GLMN: variants seen among roughly 807,000 people sequenced by gnomAD.
GLMN encodes glomulin, FKBP associated protein.
In GLMN, 75 loss-of-function variants were observed where a neutral mutation model predicts 87.8. The ratio of observed to expected loss-of-function variants is 0.85; its 90% CI spans 0.71 to 1.04. GLMN has a LOEUF of 1.04. Ranked by LOEUF, GLMN falls within the 50% of genes least tolerant of loss-of-function variation. The pLI, the probability that GLMN is intolerant of heterozygous loss-of-function variation, is 0.00. For missense variants in GLMN, 588 were observed against 658.8 expected (o/e 0.89, Z 1.18); for synonymous variants, 206 against 221.6 (o/e 0.93, Z 0.63).
intron 3 of GLMN, among the ~76,000 whole-genome samples, chr1:92,296,215 A>G (rs1650031685): frequency 2.6e-5 from 4 of 152,232 alleles, no homozygotes; most frequent in Admixed American, 2.6e-4. Flanking sequence ...ACTTCTAATA[A>G]ATAAGTAGCA....
chr1:92,307,110 T>G, the GLMN span: 1 of 958,346 alleles, frequency 1.0e-6, no homozygotes, highest in African/African-American at 1.7e-5. Context: ...AACGATACAT[T>G]TATGTTTTAT....
intron 11 of GLMN, 106 bp from the exon 12 acceptor site, chr1:92,266,847 T>A: frequency 2.8e-6 from 2 of 721,992 alleles, no homozygotes; most frequent in Non-Finnish European, 4.8e-6. Flanking sequence ...GAAGTGAGGG[T>A]AGGAGATTTA....
chr1:92,272,255 G>A (rs1330390105), intron 7 of GLMN, among the ~76,000 whole-genome samples: 1 of 152,150 alleles, frequency 6.6e-6, no homozygotes, highest in African/African-American at 2.4e-5. Flanking sequence ...ATGAGACCCT[G>A]AGCAGAGGAC....
At chr1:92,280,024 T>C (rs1291015672) in intron 7 of GLMN, among the ~76,000 whole-genome samples, 1 of 152,238 alleles carries the variant, frequency 6.6e-6, no homozygotes, top group Non-Finnish European at 1.5e-5. Context: ...ATTCTACCTC[T>C]GGGGACGGCA....
intron 16 of GLMN, among the ~76,000 whole-genome samples, chr1:92,249,018 G>T (rs529996531): frequency 3.3e-5 from 5 of 151,996 alleles, no homozygotes; most frequent in Non-Finnish European, 5.9e-5. Context: ...TGAAACATTA[G>T]AATTAAAATA....
At chr1:92,363,306 G>T in the GLMN span, among the ~76,000 whole-genome samples, 2 of 152,134 alleles carry the variant, frequency 1.3e-5, no homozygotes, top group Non-Finnish European at 2.9e-5. Context: ...TGAAGCTGCG[G>T]GCAAGGTAGA....
chr1:92,331,154 T>A, the GLMN span, among the ~76,000 whole-genome samples: 1 of 152,240 alleles, frequency 6.6e-6, no homozygotes, highest in Non-Finnish European at 1.5e-5. Flanking sequence ...AATGTAAAAT[T>A]GTTATGTCTT....
intron 16 of GLMN, among the ~76,000 whole-genome samples, chr1:92,251,167 G>A (rs548355599): frequency 1.3e-5 from 2 of 152,266 alleles, no homozygotes; most frequent in Non-Finnish European, 2.9e-5. Flanking sequence ...GAAGAACAAA[G>A]TTGGCAGACT....
chr1:92,323,783 G>A, the GLMN span: 1 of 1,614,092 alleles, frequency 6.2e-7, no homozygotes. Context: ...GATGCTACAT[G>A]TGAACTTCCT....
chr1:92,266,625 A>T (rs758112372), intron 12 of GLMN, 75 bp downstream of exon 12: 28 of 1,261,870 alleles, frequency 2.2e-5, no homozygotes, highest in Admixed American at 3.8e-5. Flanking sequence ...TAAAATTTTT[A>T]AAAAGAAAAT....
intron 13 of GLMN, 83 bp downstream of exon 13, chr1:92,266,336 A>T: frequency 2.6e-6 from 2 of 780,172 alleles, no homozygotes; most frequent in Non-Finnish European, 4.7e-6. Context: ...ATACCGACAT[A>T]CTATGCCCTA....
chr1:92,312,904 C>T, the GLMN span, among the ~76,000 whole-genome samples: 2 of 152,052 alleles, frequency 1.3e-5, no homozygotes, highest in African/African-American at 4.8e-5. Flanking sequence ...TCACTACAAC[C>T]TCTGCCTCCT....
the GLMN span, among the ~76,000 whole-genome samples, chr1:92,358,850 G>T: frequency 1.3e-5 from 2 of 152,142 alleles, no homozygotes; most frequent in Non-Finnish European, 2.9e-5. Context: ...GCCTCCCAAA[G>T]TGCTGGGATT....
At chr1:92,367,866 C>A in the GLMN span, among the ~76,000 whole-genome samples, 1 of 152,134 alleles carries the variant, frequency 6.6e-6, no homozygotes, top group Non-Finnish European at 1.5e-5. Flanking sequence ...TTTGATTTTG[C>A]AAATTTGGAA....
At chr1:92,342,545 C>A in the GLMN span, among the ~76,000 whole-genome samples, 1 of 152,170 alleles carries the variant, frequency 6.6e-6, no homozygotes, top group Non-Finnish European at 1.5e-5. Flanking sequence ...ATCTAACATA[C>A]ATTTTTTAAC....
the GLMN span, among the ~76,000 whole-genome samples, chr1:92,367,157 T>A: frequency 6.6e-6 from 1 of 152,226 alleles, no homozygotes; most frequent in Non-Finnish European, 1.5e-5. Flanking sequence ...AAGCTTCAGG[T>A]ACTTCAGCTC....
chr1:92,271,772 T>A lies in GLMN; in HGVS notation c.736-120A>T, dbSNP rs771242051. ...TGTAATCACTCCCTTTGAGCGTGAG[T>A]GGGACCTATGAGACTTGCTTTCAAC... On this transcript the variant is annotated intron_variant, in intron 7 of 18. Coordinates refer to ENST00000370360, the MANE Select transcript of GLMN (RefSeq NM_053274.3). 4.2e-6 allele frequency: 3 copies of A among 714,428 alleles called. No individual in the cohort carries two copies. The Admixed American group carries it at 6.8e-5, about 16-fold the overall frequency. 44.3% of individuals were successfully genotyped at this position (714,428 alleles called of 1,614,324 possible).
In GLMN at chr1:92,255,286, T is replaced by TA. The variant is rs1654069551; in HGVS notation, c.1474-7298dup. On this transcript the variant is annotated intron_variant, in intron 16 of 18. Transcript: ENST00000370360. ...AAGCTCTTAGAGACCTACAGAGACT[T>TA]AGACTCCCACACAATAATAGTGGGA... Among the ~76,000 whole-genome samples the TA allele has an allele frequency of 5.3e-5, 8 of 152,258 alleles. No individual in the cohort carries two copies. The South Asian group carries it at 1.5e-3, about 28-fold the overall frequency.
chr1:92,300,522 C>T (rs1650758757), upstream of GLMN, among the ~76,000 whole-genome samples: 1 of 152,132 alleles, frequency 6.6e-6, no homozygotes, highest in Non-Finnish European at 1.5e-5. Context: ...CCTTTTATTG[C>T]TTTATATGCC....
Sources: gnomAD v4.1 joint callset for allele counts (sites outside exome capture counted in the v4.1 genomes callset) on GRCh38, gnomAD v4.1.1 for gene constraint, MANE v1.5 for transcripts, NCBI Gene and HGNC (gene_info 2026-07-23, HGNC 2026-07-21) for gene names.